The following STK32C variants were observed in gnomAD, a reference collection of about 807,000 sequenced individuals.
STK32C encodes serine/threonine-protein kinase 32C.
In STK32C, 31 loss-of-function variants were observed where a neutral mutation model predicts 56.5. That is an observed-to-expected ratio of 0.55 (90% CI 0.41 to 0.74). The LOEUF (loss-of-function observed/expected upper bound fraction) is 0.74. Among genes scored for constraint, STK32C ranks in the 30% least tolerant of loss-of-function variants. The pLI is 0.00. For synonymous variants in STK32C, 309 were observed against 289.4 expected (o/e 1.07, Z -0.69); for missense variants, 544 against 676.9 (o/e 0.80, Z 2.18).
chr10:132,246,522 A>G (rs1276440623), intron 1 of STK32C, among the ~76,000 whole-genome samples: 1 of 152,180 alleles, frequency 6.6e-6, no homozygotes, highest in Non-Finnish European at 1.5e-5. Context: ...GGCTATGTCC[A>G]CCATGACCTG....
chr10:132,230,679 CGGG>C (rs377544275), intron 2 of STK32C, among the ~76,000 whole-genome samples: 9 of 49,684 alleles, frequency 1.8e-4, no homozygotes, highest in South Asian at 8.5e-4. Context: ...GGGAAGCTGG[CGGG>C]GGGGGGGGGG....
At chr10:132,268,129 GTGCA>G (rs2064647734) in intron 1 of STK32C, among the ~76,000 whole-genome samples, 1 of 145,668 alleles carries the variant, frequency 6.9e-6, no homozygotes, top group South Asian at 2.2e-4. Flanking sequence ...CTGTGCCTGC[GTGCA>G]TGCGTCACAT....
chr10:132,331,991 C>T, upstream of STK32C: 1 of 455,426 alleles, frequency 2.2e-6, no homozygotes, highest in Non-Finnish European at 3.8e-6. Flanking sequence ...GCAGGCGCAC[C>T]ACACCCGACC....
intron 1 of STK32C, among the ~76,000 whole-genome samples, chr10:132,250,969 G>C (rs867951303): frequency 6.6e-6 from 1 of 152,158 alleles, no homozygotes; most frequent in African/African-American, 2.4e-5. Context: ...CCAGTGGGAG[G>C]GTACAGTGGC....
intron 10 of STK32C, among the ~76,000 whole-genome samples, chr10:132,210,872 T>C (rs1471503070): frequency 6.6e-6 from 1 of 152,186 alleles, no homozygotes; most frequent in African/African-American, 2.4e-5. Flanking sequence ...AGCGGGAATG[T>C]GGACTCTCTC....
intron 4 of STK32C, among the ~76,000 whole-genome samples, chr10:132,226,103 G>A (rs1261416891): frequency 2.0e-5 from 3 of 152,224 alleles, no homozygotes; most frequent in Non-Finnish European, 4.4e-5. Flanking sequence ...CCAAGACTCG[G>A]CCTCTAGGAG....
rs748058810 is a variant in STK32C, at chr10:132,245,881, ACCCCAGGCCCTG to A, written c.318+7_318+18del. 1 of 1,610,842 alleles carries A rather than the reference ACCCCAGGCCCTG, an allele frequency of 6.2e-7. No homozygotes were observed. Among genetic ancestry groups the A allele is most frequent in the South Asian group, 1.1e-5 (1 of 91,050 alleles). On this transcript the variant is annotated splice_region_variant and intron_variant, in intron 2 of 11. Transcript: ENST00000298630. The stretch of plus-strand genomic sequence containing the variant: ...CCCCTGCCCCCTCAGCCCAGTCCCC[ACCCCAGGCCCTG>A]CCTTACCTTGCCAAAGCTGCCCTTC...
intron 1 of STK32C, among the ~76,000 whole-genome samples, chr10:132,301,145 G>A (rs2065899767): frequency 1.3e-5 from 2 of 152,110 alleles, no homozygotes; most frequent in Middle Eastern, 3.4e-3. Flanking sequence ...CCAGTAGAAG[G>A]CCTGGTCCTC....
chr10:132,261,193 C>T (rs887860092), intron 1 of STK32C, among the ~76,000 whole-genome samples: 1 of 152,194 alleles, frequency 6.6e-6, no homozygotes, highest in African/African-American at 2.4e-5. Flanking sequence ...ATCACTGCTT[C>T]CCATGGGGAG....
Position 132,243,388 on chromosome 10 carries a change from C to T in STK32C, c.318+2512G>A, listed in dbSNP as rs564618555. 1.4e-3 allele frequency among the ~76,000 whole-genome samples: 207 copies of T among 152,028 alleles called. 1 individual carries two copies. Among genetic ancestry groups the T allele is most frequent in the African/African-American group, 4.5e-3 (187 of 41,450 alleles). Reference sequence around the variant, plus strand: ...CACACTGAGCAGCCTGGGGGCGAGGCGGGGGTGGAGAGTGGGCTGGACGGA... The same window carrying T: ...CACACTGAGCAGCCTGGGGGCGAGGTGGGGGTGGAGAGTGGGCTGGACGGA... On this transcript the variant is annotated intron_variant, in intron 2 of 11. Coordinates refer to ENST00000298630, the MANE Select transcript of STK32C (RefSeq NM_173575.4).
chr10:132,298,402 G>A (rs536824553), intron 1 of STK32C, among the ~76,000 whole-genome samples: 11 of 152,392 alleles, frequency 7.2e-5, no homozygotes, highest in Non-Finnish European at 1.3e-4. Context: ...GGGCGAAGAA[G>A]CCGAGACTCT....
intron 1 of STK32C, among the ~76,000 whole-genome samples, chr10:132,313,539 G>A (rs2138434454): frequency 6.6e-6 from 1 of 152,400 alleles, no homozygotes; most frequent in Non-Finnish European, 1.5e-5. Flanking sequence ...GGGATGCACA[G>A]AGGGCTGCGA....
intron 1 of STK32C, among the ~76,000 whole-genome samples, chr10:132,247,111 GA>G (rs2063720539): frequency 6.6e-6 from 1 of 152,204 alleles, no homozygotes; most frequent in South Asian, 2.1e-4. Flanking sequence ...GCCAAGGCCA[GA>G]GGCAGACCCG....
At chr10:132,318,208 C>T (rs1214670624) in intron 1 of STK32C, among the ~76,000 whole-genome samples, 1 of 151,698 alleles carries the variant, frequency 6.6e-6, no homozygotes, top group Non-Finnish European at 1.5e-5. Context: ...GTGGAGGTTG[C>T]AGTGAGCCAA....
chr10:132,277,702 G>A (rs2065032295), intron 1 of STK32C, among the ~76,000 whole-genome samples: 1 of 152,238 alleles, frequency 6.6e-6, no homozygotes, highest in Admixed American at 6.5e-5. Flanking sequence ...GACCCAAGCT[G>A]GTCGGGGCAA....
intron 1 of STK32C, chr10:132,330,341 T>C (rs1590537970): frequency 1.5e-6 from 1 of 666,146 alleles, no homozygotes; most frequent in East Asian, 2.8e-5. Flanking sequence ...TGCTGAAACT[T>C]GTTAGAAATA....
intron 1 of STK32C, among the ~76,000 whole-genome samples, chr10:132,285,356 T>C (rs943298983): frequency 1.2e-4 from 18 of 152,380 alleles, no homozygotes; most frequent in Non-Finnish European, 2.4e-4. Flanking sequence ...AGCAACACTG[T>C]AGACTCAAGG....
chr10:132,244,595 C>T (rs1378980645), intron 2 of STK32C, among the ~76,000 whole-genome samples: 1 of 152,240 alleles, frequency 6.6e-6, no homozygotes, highest in Admixed American at 6.5e-5. Flanking sequence ...TCCAGACATG[C>T]TGGCCGGGCC....
intron 1 of STK32C, among the ~76,000 whole-genome samples, chr10:132,328,209 G>A (rs1465674674): frequency 1.3e-5 from 2 of 152,114 alleles, no homozygotes; most frequent in African/African-American, 4.8e-5. Flanking sequence ...AAGATAATTG[G>A]GAGGGTGGGG....
Sources: gnomAD v4.1 joint callset for allele counts (sites outside exome capture counted in the v4.1 genomes callset) on GRCh38, gnomAD v4.1.1 for gene constraint, MANE v1.5 for transcripts, NCBI Gene and HGNC (gene_info 2026-07-23, HGNC 2026-07-21) for gene names.